CWC27: variants seen among roughly 807,000 people sequenced by gnomAD.
The protein encoded by CWC27 is spliceosome-associated protein CWC27 homolog.
Under a neutral mutation model 63.6 loss-of-function variants are expected in CWC27, and 47 were observed. The ratio of observed to expected loss-of-function variants is 0.74; its 90% confidence interval spans 0.58 to 0.94. CWC27 has a LOEUF of 0.94. Ranked by LOEUF, CWC27 falls within the 40% of genes least tolerant of loss-of-function variation. The pLI is 0.00. For synonymous variants in CWC27, 175 were observed against 179.8 expected (o/e 0.97, Z 0.22); for missense variants, 495 against 554.3 (o/e 0.89, Z 1.07).
Position 64,913,359 on chromosome 5 carries a change from A to T in CWC27, c.1042+27813A>T, listed in dbSNP as rs142395885. ...ATTCAACATTATTATATTCATAATG[A>T]TTTACTGGAGATCCCAGCCAGTGTA... is the stretch of plus-strand genomic sequence containing the variant. On this transcript the variant is annotated intron_variant, in intron 11 of 13. Transcript: ENST00000381070. Among the ~76,000 whole-genome samples, 156 of 152,164 alleles carry T rather than the reference A, an allele frequency of 1.0e-3. 4 individuals are homozygous for T. In the East Asian group the frequency reaches 0.026, roughly 26 times the overall value.
chr5:64,817,462 T>G (rs1176880092), intron 10 of CWC27, among the ~76,000 whole-genome samples: 1 of 152,128 alleles, frequency 6.6e-6, no homozygotes, highest in Admixed American at 6.6e-5. Flanking sequence ...TAGTATATAA[T>G]TTAGAAATCA....
At chr5:64,840,308 G>T (rs1329870219) in intron 10 of CWC27, among the ~76,000 whole-genome samples, 1 of 141,474 alleles carries the variant, frequency 7.1e-6, no homozygotes, top group Non-Finnish European at 1.5e-5. Context: ...GAAGGAGTTG[G>T]CAGAAAAGAG....
Position 64,840,384 on chromosome 5 carries a change from AAAAAAAAAAAATATATATATATATATAT to A in CWC27, c.938+36000_938+36027del, listed in dbSNP as rs1405093502. Among the ~76,000 whole-genome samples, 79 of 67,234 alleles carry A rather than the reference AAAAAAAAAAAATATATATATATATATAT, an allele frequency of 1.2e-3. 3 individuals carry two copies. Among genetic ancestry groups the A allele is most frequent in the African/African-American group, 3.8e-3 (56 of 14,760 alleles). The allele number at this position is 67,234 out of a possible 152,430, so 44.1% of individuals were successfully genotyped here. A position where few individuals can be genotyped will look rare whatever the true frequency, so the allele number is the denominator to read the frequency against. On this transcript the variant is annotated intron_variant, in intron 10 of 13. Coordinates refer to ENST00000381070, the MANE Select transcript of CWC27 (RefSeq NM_005869.4). ...CATTAAAAAAAAAAAAAAAAAAAAA[AAAAAAAAAAAATATATATATATATATAT>A]ATATATATATATATATATACTTATT...
intron 11 of CWC27, among the ~76,000 whole-genome samples, chr5:64,899,746 T>C (rs1747459528): frequency 1.3e-5 from 2 of 152,220 alleles, no homozygotes; most frequent in Non-Finnish European, 2.9e-5. Context: ...CGTATGTCTA[T>C]ACCTGTGAAA....
chr5:64,971,054 C>T (rs572151275), intron 11 of CWC27, among the ~76,000 whole-genome samples: 285 of 150,568 alleles, frequency 1.9e-3, no homozygotes, highest in African/African-American at 6.6e-3. Context: ...TAAAATGTTA[C>T]TAGTTGGGTT....
intron 10 of CWC27, among the ~76,000 whole-genome samples, chr5:64,830,808 C>G (rs1306943880): frequency 6.6e-6 from 1 of 152,062 alleles, no homozygotes; most frequent in Non-Finnish European, 1.5e-5. Flanking sequence ...TTTATGCAGC[C>G]AACAGACACA....
At chr5:64,826,696 T>TTTTTTG (rs767550908) in intron 10 of CWC27, among the ~76,000 whole-genome samples, 1 of 92,192 alleles carries the variant, frequency 1.1e-5, no homozygotes. Context: ...AACTTTGGTG[T>TTTTTTG]TTTTTTGTTT....
rs1201055537 is a variant in CWC27 at position 64,890,420 on chromosome 5, G to A, written c.1042+4874G>A. Among the ~76,000 whole-genome samples, 5 of 152,036 alleles carry A rather than the reference G, an allele frequency of 3.3e-5. No homozygotes were observed. In the South Asian group the frequency reaches 1.0e-3, roughly 31 times the overall value. On this transcript the variant is annotated intron_variant, in intron 11 of 13. Coordinates refer to ENST00000381070, the MANE Select transcript of CWC27 (RefSeq NM_005869.4). Reference sequence around the variant, plus strand: ...GTATTAAACTAGCTTGGTCTTAGTTGGTATAAGAAACAAAAACCCTCTTTG... The same window carrying A: ...GTATTAAACTAGCTTGGTCTTAGTTAGTATAAGAAACAAAAACCCTCTTTG...
At chr5:64,924,956 G>GACACACACACACAC (rs36083384) in intron 11 of CWC27, among the ~76,000 whole-genome samples, 36 of 145,558 alleles carry the variant, frequency 2.5e-4, no homozygotes, top group African/African-American at 6.3e-4. Flanking sequence ...GTCTTTCTTA[G>GACACACACACACAC]ACACACACAC....
Position 64,896,803 on chromosome 5 carries a change from A to G in CWC27, c.1042+11257A>G, listed in dbSNP as rs1250998059. On this transcript the variant is annotated intron_variant, in intron 11 of 13. Coordinates refer to ENST00000381070, the MANE Select transcript of CWC27 (RefSeq NM_005869.4). The stretch of plus-strand genomic sequence containing the variant: ...AGGAGAAATAAAATGCAGCTGTATC[A>G]ATAGTTGTATTGAAATAACACAAAA... 3.3e-5 allele frequency among the ~76,000 whole-genome samples: 5 copies of G among 152,226 alleles called. 1 individual carries two copies. In the South Asian group the frequency reaches 8.3e-4, roughly 25 times the overall value.
chr5:64,999,154 C>T (rs893377290), intron 13 of CWC27, among the ~76,000 whole-genome samples: 4 of 152,092 alleles, frequency 2.6e-5, no homozygotes, highest in Non-Finnish European at 2.9e-5. Context: ...TCTCTACTAT[C>T]TACTTCATGT....
At chr5:64,842,320 A>T (rs1016487066) in intron 10 of CWC27, among the ~76,000 whole-genome samples, 9 of 151,954 alleles carry the variant, frequency 5.9e-5, no homozygotes, top group African/African-American at 2.2e-4. Flanking sequence ...TTATTTATTT[A>T]TGAGACAGAG....
rs539714460 is a variant in CWC27, at chr5:64,949,969, A to G, written c.1043-21734A>G. Among the ~76,000 whole-genome samples the G allele has an allele frequency of 5.3e-5, 8 of 152,128 alleles. No individual in the cohort carries two copies. In the South Asian group the frequency reaches 1.2e-3, roughly 24 times the overall value. On this transcript the variant is annotated intron_variant, in intron 11 of 13. Transcript: ENST00000381070. ...AGCTCCCCAGGTAATTCTTAGCTGA[A>G]TTGAAATGTGACCAGTTTAAACTGA...
At chr5:64,844,464 C>A (rs114378852) in intron 10 of CWC27, among the ~76,000 whole-genome samples, 2 of 152,160 alleles carry the variant, frequency 1.3e-5, no homozygotes, top group Non-Finnish European at 2.9e-5. Flanking sequence ...GTTTCCCACC[C>A]AGCCTCAGAG....
intron 11 of CWC27, among the ~76,000 whole-genome samples, chr5:64,898,300 T>TC (rs1747426401): frequency 6.6e-6 from 1 of 151,458 alleles, no homozygotes; most frequent in Admixed American, 6.6e-5. Context: ...CTATAGAAGT[T>TC]CCCCACGTAA....
chr5:64,824,827 G>A (rs755985993), intron 10 of CWC27, among the ~76,000 whole-genome samples: 4 of 144,046 alleles, frequency 2.8e-5, no homozygotes, highest in Non-Finnish European at 4.5e-5. Context: ...CCGCCTCCCA[G>A]GTTCAAGAGA....
intron 11 of CWC27, among the ~76,000 whole-genome samples, chr5:64,917,404 T>C (rs1017978815): frequency 3.3e-5 from 5 of 152,158 alleles, no homozygotes; most frequent in Non-Finnish European, 5.9e-5. Context: ...TCAGGAAAAT[T>C]GAATTATGTT....
At chr5:64,780,437 A>C (rs1198005973) in intron 2 of CWC27, among the ~76,000 whole-genome samples, 1 of 150,384 alleles carries the variant, frequency 6.6e-6, no homozygotes, top group African/African-American at 2.4e-5. Flanking sequence ...GGATATATAT[A>C]TAAACAATCG....
intron 11 of CWC27, among the ~76,000 whole-genome samples, chr5:64,896,443 T>A (rs1029034380): frequency 4.6e-5 from 7 of 152,158 alleles, no homozygotes; most frequent in Non-Finnish European, 7.4e-5. Flanking sequence ...TGTTGAATAA[T>A]AAAGGTAAAA....
Sources: allele counts gnomAD v4.1 joint callset (sites outside exome capture counted in the v4.1 genomes callset), GRCh38; gene constraint gnomAD v4.1.1; transcripts MANE v1.5; gene names NCBI Gene and HGNC (gene_info 2026-07-23, HGNC 2026-07-21).